Variants in ADGRB2 observed in about 807,000 individuals in gnomAD.
ADGRB2 encodes the protein brain-specific angiogenesis inhibitor 2.
ADGRB2 carries 47 observed loss-of-function variants against 178.7 expected under a neutral mutation model. That is an observed-to-expected ratio of 0.26 (90% CI 0.21 to 0.34). The LOEUF is 0.34. Ranked by LOEUF, ADGRB2 falls within the 10% of genes least tolerant of loss-of-function variation. The pLI, the probability that ADGRB2 is intolerant of heterozygous loss-of-function variation, is 1.00. For synonymous variants in ADGRB2, 870 were observed against 912.4 expected (o/e 0.95, Z 0.84); for missense variants, 1,584 against 2,180.8 (o/e 0.73, Z 5.45).
Position 31,733,263 on chromosome 1 carries a change from C to A in ADGRB2, c.3453-120G>T. 1 of 1,082,088 alleles carries A rather than the reference C, an allele frequency of 9.2e-7. No homozygotes were observed. The highest frequency in any genetic ancestry group is 1.3e-6 in the Non-Finnish European group (1 of 762,468). The allele number at this position is 1,082,088 out of a possible 1,614,324, so 67.0% of individuals were successfully genotyped here. ...CCAAGACTGGGAGGGCCCCAAACCC[C>A]AGGGCCTCAGTAATGTCCCCAAGCA... On this transcript the variant is annotated intron_variant, in intron 25 of 32. Coordinates refer to ENST00000373658, the MANE Select transcript of ADGRB2 (RefSeq NM_001364857.2). The surrounding 1 kb of genome is among the most constrained non-coding windows in gnomAD (Gnocchi z 4.3).
chr1:31,756,138 G>A lies in ADGRB2; in HGVS notation c.699C>T (p.Ser233=). Residue 233 remains serine, a synonymous_variant, in exon 4 of 33, where the codon TCC becomes TCT. Transcript: ENST00000373658. This position sits in a 1 kb window ranked among gnomAD's most constrained non-coding sequence, Gnocchi z 8.5. ...GAGGGCCTGGAGATGTGGTGGTGGT[G>A]GAGCCGGCCCCCGCCTCTCCAGGGC... ...CSCPGEAGAG[S]TTTTSPGPPA... is the part of the protein sequence containing the mutation. The A allele has an allele frequency of 1.2e-6, 2 of 1,613,318 alleles. No homozygotes were observed. The highest frequency in any genetic ancestry group is 1.7e-6 in the Non-Finnish European group (2 of 1,179,832).
rs138698087 is a variant in ADGRB2, at chr1:31,763,931, G to A, written c.-238C>T. 8.1e-3 allele frequency: 7,961 copies of A among 985,590 alleles called. 74 individuals are homozygous for A. Among genetic ancestry groups the A allele is most frequent in the South Asian group, 0.051 (1,089 of 21,470 alleles). 61.1% of individuals were successfully genotyped at this position (985,590 alleles called of 1,614,324 possible). A position where few individuals can be genotyped will look rare whatever the true frequency, so the allele number is the denominator to read the frequency against. On this transcript the variant is annotated 5_prime_UTR_variant, in exon 1 of 33. Transcript: ENST00000373658. The stretch of plus-strand genomic sequence containing the variant: ...GCGGGGGCCGGCGCTGGCGGGGGCG[G>A]CCACGGGGCGCAAGTTTGCCATCCC...
rs936804181 is a variant in ADGRB2, at chr1:31,733,098, G to A, written c.3498C>T (p.Leu1166=). 3 of 1,586,848 alleles carry A rather than the reference G, an allele frequency of 1.9e-6. No homozygotes were observed. Among genetic ancestry groups the A allele is most frequent in the Middle Eastern group, 3.4e-4 (2 of 5,950 alleles). The change falls in exon 26 of 33, where the codon CTC becomes CTT. Residue 1166 remains leucine, a synonymous_variant. Transcript: ENST00000373658. This position sits in a 1 kb window ranked among gnomAD's most constrained non-coding sequence, Gnocchi z 4.3. ...SSCVVLPLLA[L]TWMSAVLAMT... ...TAGCCAGGACGGCAGACATCCAGGT[G>A]AGCGCCAGCAGGGGCAGCACCACGC...
chr1:31,742,961 A>G lies in ADGRB2; in HGVS notation c.1129T>C (p.Ser377Pro), dbSNP rs1646059954. ...CGGGACCCCCGCCCGCAGCTGCGGG[A>G]GCACAGGCTCCAGGACCCCCACTCC... ...WEEWGSWSLC[S>P]RSCGRGSRSR... Residue 377 changes from serine to proline, a missense_variant, in exon 7 of 33, where the codon TCC (serine) becomes CCC (proline). Coordinates refer to ENST00000373658, the MANE Select transcript of ADGRB2 (RefSeq NM_001364857.2). The G allele has an allele frequency of 1.3e-6, 2 of 1,536,450 alleles. No homozygotes were observed. The highest frequency in any genetic ancestry group is 1.2e-5 in the South Asian group (1 of 82,896).
Position 31,759,112 on chromosome 1 carries a change from G to GAC in ADGRB2, c.-190-1603_-190-1602dup, listed in dbSNP as rs1243622067. 6.6e-6 allele frequency among the ~76,000 whole-genome samples: 1 copy of GAC among 152,072 alleles called. No individual in the cohort carries two copies. The highest frequency in any genetic ancestry group is 2.4e-5 in the African/African-American group (1 of 41,378). On this transcript the variant is annotated intron_variant, in intron 1 of 32. Coordinates refer to ENST00000373658, the MANE Select transcript of ADGRB2 (RefSeq NM_001364857.2). The surrounding 1 kb of genome is among the most constrained non-coding windows in gnomAD (Gnocchi z 4.3). The stretch of plus-strand genomic sequence containing the variant: ...GGTTTGAACACCCTTGTGCCCTGAG[G>GAC]ACACACACACCAAAGCATGAGGGCA...
Position 31,740,103 on chromosome 1 carries a change from C to A in ADGRB2, c.2058+7G>T. ...CGGGAGGAGAAGCTGGCAGCTGTGC[C>A]CCGCACCTGCTGAGCATCGTCCCAC... On this transcript the variant is annotated splice_region_variant and intron_variant, in intron 13 of 32. Coordinates refer to ENST00000373658, the MANE Select transcript of ADGRB2 (RefSeq NM_001364857.2). The surrounding 1 kb of genome is among the most constrained non-coding windows in gnomAD (Gnocchi z 5.9). 6.2e-7 allele frequency: 1 copy of A among 1,614,134 alleles called. No homozygotes were observed. Among genetic ancestry groups the A allele is most frequent in the South Asian group, 1.1e-5 (1 of 91,088 alleles).
Position 31,740,602 on chromosome 1 carries a change from C to T in ADGRB2, c.1795-61G>A. The T allele has an allele frequency of 6.8e-7, 1 of 1,471,516 alleles. No individual in the cohort carries two copies. 91.2% of individuals were successfully genotyped at this position (1,471,516 alleles called of 1,614,324 possible). A position where few individuals can be genotyped will look rare whatever the true frequency, so the allele number is the denominator to read the frequency against. On this transcript the variant is annotated intron_variant, in intron 11 of 32. Transcript: ENST00000373658. This position sits in a 1 kb window ranked among gnomAD's most constrained non-coding sequence, Gnocchi z 5.9. ...TCAGGAGCTGGAACCAGACCCTGGC[C>T]CATCCCACTCCAGTCCACCCACTGC...
intron 8 of ADGRB2, 39 bp from the exon 9 acceptor site, chr1:31,742,006 C>T (rs755329909): frequency 5.1e-6 from 8 of 1,583,716 alleles, no homozygotes; most frequent in African/African-American, 2.7e-5. Context: ...GCCCAGGTAC[C>T]CCCATGGTCA....
rs146816893 is a variant in ADGRB2, at chr1:31,744,261, G to C, written c.1019C>G (p.Pro340Arg). 1.4e-5 allele frequency: 21 copies of C among 1,551,098 alleles called. No homozygotes were observed. The highest frequency in any genetic ancestry group is 7.3e-5 in the East Asian group (3 of 40,914). Residue 340 changes from proline to arginine, a missense_variant, in exon 6 of 33, where the codon CCC becomes CGC. This residue lies in a region of ADGRB2 where 657 missense variants were observed against 847.6 expected (regional missense o/e 0.78). Coordinates refer to ENST00000373658, the MANE Select transcript of ADGRB2 (RefSeq NM_001364857.2). This position sits in a 1 kb window ranked among gnomAD's most constrained non-coding sequence, Gnocchi z 6.7. ...GGGCCCGCTGCACAGGGTCCCATAG[G>C]GGGAGGACACACAGGAGCGGGTCCG... is the stretch of plus-strand genomic sequence containing the variant. ...QVRTRSCVSS[P>R]YGTLCSGPLR...
At position 31,744,811 on chromosome 1, in the gene ADGRB2, C is replaced by G; in HGVS notation, c.839-80G>C. 6.9e-7 allele frequency: 1 copy of G among 1,457,676 alleles called. No homozygotes were observed. The highest frequency in any genetic ancestry group is 1.2e-5 in the South Asian group (1 of 86,324). The allele number at this position is 1,457,676 out of a possible 1,614,324, so 90.3% of individuals were successfully genotyped here. On this transcript the variant is annotated intron_variant, in intron 4 of 32. Transcript: ENST00000373658. This position sits in a 1 kb window ranked among gnomAD's most constrained non-coding sequence, Gnocchi z 6.7. ...CAGTGGCACAGTGAAGGCAGCCTTC[C>G]TTGCCCTCCGCCTGAGGGCCTGGAA...
chr1:31,761,934 C>T lies in ADGRB2; in HGVS notation c.-191+1950G>A, dbSNP rs1386315011. Among the ~76,000 whole-genome samples the T allele has an allele frequency of 6.6e-6, 1 of 152,092 alleles. No homozygotes were observed. ...AGCTATATGAGGCAGTGATCACTGA[C>T]CCATTTTATAGAGGGTCAACTGAGG... On this transcript the variant is annotated intron_variant, in intron 1 of 32. Coordinates refer to ENST00000373658, the MANE Select transcript of ADGRB2 (RefSeq NM_001364857.2). This position sits in a 1 kb window ranked among gnomAD's most constrained non-coding sequence, Gnocchi z 4.2.
chr1:31,727,318 C>CGGGAGAG lies in ADGRB2; in HGVS notation c.*95_*101dup. 7.2e-7 allele frequency: 1 copy of CGGGAGAG among 1,392,774 alleles called. No homozygotes were observed. The highest frequency in any genetic ancestry group is 3.0e-5 in the East Asian group (1 of 33,372). 86.3% of individuals were successfully genotyped at this position (1,392,774 alleles called of 1,614,324 possible). On this transcript the variant is annotated 3_prime_UTR_variant, in exon 33 of 33. Coordinates refer to ENST00000373658, the MANE Select transcript of ADGRB2 (RefSeq NM_001364857.2). This position sits in a 1 kb window ranked among gnomAD's most constrained non-coding sequence, Gnocchi z 4.4. Reference sequence around the variant, plus strand: ...CCACGGCGCCTCCCTGCCCAGCCCTCGGGAGAGGGGAGAGGGCGCTGGCTC... The same window carrying CGGGAGAG: ...CCACGGCGCCTCCCTGCCCAGCCCTCGGGAGAGGGGAGAGGGGAGAGGGCGCTGGCTC...
chr1:31,735,046 TGTG>T lies in ADGRB2; in HGVS notation c.3452+134_3452+136del, dbSNP rs2148910602. The T allele has an allele frequency of 1.2e-6, 1 of 855,566 alleles. No individual in the cohort carries two copies. Among genetic ancestry groups the T allele is most frequent in the Non-Finnish European group, 1.7e-6 (1 of 599,446 alleles). The allele number at this position is 855,566 out of a possible 1,614,324, so 53.0% of individuals were successfully genotyped here. A position where few individuals can be genotyped will look rare whatever the true frequency, so the allele number is the denominator to read the frequency against. On this transcript the variant is annotated intron_variant, in intron 25 of 32. Transcript: ENST00000373658. The surrounding 1 kb of genome is among the most constrained non-coding windows in gnomAD (Gnocchi z 6.0). The stretch of plus-strand genomic sequence containing the variant: ...ACCTCTTGCCGAGCCCTTGAGAGTG[TGTG>T]GTGGCTGGCAGGAAAGGGCAAGCTT...
chr1:31,750,465 G>A (rs1197521887), intron 4 of ADGRB2, among the ~76,000 whole-genome samples: 1 of 152,156 alleles, frequency 6.6e-6, no homozygotes, highest in African/African-American at 2.4e-5. Context: ...CAGGACTGCA[G>A]ATACCTGCTA....
Position 31,744,292 on chromosome 1 carries a change from G to T in ADGRB2, c.988C>A (p.Gln330Lys). ...GACACACAGGAGCGGGTCCGCACCT[G>T]CAGACCCTGCCCACACGTCAGGGAA... is the stretch of plus-strand genomic sequence containing the variant. ...VCSLTCGQGLQVRTRSCVSSP... is the reference protein window; with the variant it reads ...VCSLTCGQGLKVRTRSCVSSP... The change falls in exon 6 of 33, where the codon CAG becomes AAG. Residue 330 changes from glutamine to lysine, a missense_variant. Around this residue, in one of 3 missense-constraint regions of ADGRB2, gnomAD observed 657 missense variants for 847.6 expected, o/e 0.78. Coordinates refer to ENST00000373658, the MANE Select transcript of ADGRB2 (RefSeq NM_001364857.2). The surrounding 1 kb of genome is among the most constrained non-coding windows in gnomAD (Gnocchi z 6.7). The T allele has an allele frequency of 6.4e-7, 1 of 1,551,370 alleles. No individual in the cohort carries two copies. The highest frequency in any genetic ancestry group is 2.4e-5 in the East Asian group (1 of 40,914).
In ADGRB2 at chr1:31,735,766, G is replaced by C; in HGVS notation, c.3267+61C>G. On this transcript the variant is annotated intron_variant, in intron 23 of 32. Coordinates refer to ENST00000373658, the MANE Select transcript of ADGRB2 (RefSeq NM_001364857.2). The surrounding 1 kb of genome is among the most constrained non-coding windows in gnomAD (Gnocchi z 6.0). ...AGCTGGAGCGCAGGGAGGAGGTAGA[G>C]GGAGAAACAGGATGACCCTCTGGGG... 1 of 1,590,178 alleles carries C rather than the reference G, an allele frequency of 6.3e-7. No homozygotes were observed. Among genetic ancestry groups the C allele is most frequent in the Non-Finnish European group, 8.6e-7 (1 of 1,165,214 alleles).
At chr1:31,737,142 G>A (rs1040644596) in intron 20 of ADGRB2, among the ~76,000 whole-genome samples, 2 of 152,120 alleles carry the variant, frequency 1.3e-5, no homozygotes, top group African/African-American at 4.8e-5. Context: ...GCTTCCACAC[G>A]CTCACAGACA....
Position 31,755,966 on chromosome 1 carries a change from AC to A in ADGRB2, c.838+32del, listed in dbSNP as rs1354425324. On this transcript the variant is annotated intron_variant, in intron 4 of 32. Transcript: ENST00000373658. This position sits in a 1 kb window ranked among gnomAD's most constrained non-coding sequence, Gnocchi z 5.1. ...CCAGGGACACTGTCAGCCCCTGCAG[AC>A]CCCGCCCCACCCAGGCCCTGCTGAG... The A allele has an allele frequency of 6.4e-7, 1 of 1,572,138 alleles. No individual in the cohort carries two copies. The highest frequency in any genetic ancestry group is 1.3e-5 in the African/African-American group (1 of 74,084).
chr1:31,736,830 GC>G, intron 20 of ADGRB2, 107 bp from the exon 21 acceptor site: 1 of 1,470,496 alleles, frequency 6.8e-7, no homozygotes, highest in South Asian at 1.4e-5. Flanking sequence ...GCCCACCTGA[GC>G]CCCGCCCCCC....
Sources: allele counts gnomAD v4.1 joint callset (sites outside exome capture counted in the v4.1 genomes callset), GRCh38; gene constraint gnomAD v4.1.1; regional missense constraint gnomAD v4.1.1; non-coding constraint Gnocchi (gnomAD v3.1); transcripts MANE v1.5; gene names NCBI Gene and HGNC (gene_info 2026-07-23, HGNC 2026-07-21).